AUTS2: variants seen among roughly 807,000 people sequenced by gnomAD.
The protein encoded by AUTS2 is activator of transcription and developmental regulator AUTS2.
AUTS2 carries 17 observed loss-of-function variants against 112.4 expected under a neutral mutation model. The observed-to-expected ratio is 0.15, with a 90% CI of 0.10 to 0.23. AUTS2 has a LOEUF of 0.23. Ranked by LOEUF, AUTS2 falls within the 10% of genes least tolerant of loss-of-function variation. The probability of loss-of-function intolerance (pLI) is 1.00; values close to 1 mark genes in which losing one functional copy is unlikely to be tolerated. For missense variants in AUTS2, 1,510 were observed against 1,701.6 expected, an observed-to-expected ratio of 0.89 and a Z score of 1.98; for synonymous variants, 751 against 702.7, an observed-to-expected ratio of 1.07 and a Z score of -1.09.
At chr7:69,894,225 A>G (rs1044421736) in intron 1 of AUTS2, among the ~76,000 whole-genome samples, 1 of 96,952 alleles carries the variant, frequency 1.0e-5, no homozygotes. Context: ...TGCTTCTTCT[A>G]TGACTGTCAA....
At chr7:69,642,742 C>A (rs1308261300) in intron 1 of AUTS2, among the ~76,000 whole-genome samples, 2 of 152,148 alleles carry the variant, frequency 1.3e-5, no homozygotes, top group Non-Finnish European at 2.9e-5. Context: ...ATATACCCAC[C>A]CCTTCCCTCA....
chr7:70,700,877 C>T lies in AUTS2; in HGVS notation c.742+2257C>T, dbSNP rs73706411. Among the ~76,000 whole-genome samples the T allele has an allele frequency of 4.9e-3, 753 of 152,294 alleles. 11 individuals are homozygous for T. The highest frequency in any genetic ancestry group is 0.018 in the African/African-American group (728 of 41,558). On this transcript the variant is annotated intron_variant, in intron 6 of 18. Coordinates refer to ENST00000342771, the MANE Select transcript of AUTS2 (RefSeq NM_015570.4). ...ATCAAGTTCAAGTTTTCCTGCAAGG[C>T]GGCCTGCCTGCCTGAAAGTCAGGTC...
chr7:69,707,857 G>C (rs1798137943), intron 1 of AUTS2, among the ~76,000 whole-genome samples: 1 of 152,190 alleles, frequency 6.6e-6, no homozygotes, highest in Non-Finnish European at 1.5e-5. Context: ...GGGCTTTGCA[G>C]AGTAGGTCTT....
At chr7:69,829,381 A>C (rs10112252) in intron 1 of AUTS2, among the ~76,000 whole-genome samples, 19 of 152,366 alleles carry the variant, frequency 1.2e-4, no homozygotes. Flanking sequence ...ACAAAAGCTA[A>C]AATGGACAAA....
At chr7:70,129,910 T>C (rs1562722593) in intron 3 of AUTS2, among the ~76,000 whole-genome samples, 1 of 151,856 alleles carries the variant, frequency 6.6e-6, no homozygotes, top group Non-Finnish European at 1.5e-5. Flanking sequence ...ATTGTGTGTG[T>C]GTGTGTGTGT....
chr7:70,731,188 T>C (rs60154276), intron 6 of AUTS2, among the ~76,000 whole-genome samples: 72,763 of 152,002 alleles, frequency 0.48, 17,951 homozygotes, highest in Middle Eastern at 0.6. Context: ...TCCCATTTTG[T>C]GAGTTTTCTT....
intron 1 of AUTS2, among the ~76,000 whole-genome samples, chr7:69,677,654 T>C (rs1392789224): frequency 6.6e-6 from 1 of 152,238 alleles, no homozygotes; most frequent in Non-Finnish European, 1.5e-5. Flanking sequence ...AGTTTTTATT[T>C]TGGTGTTTTT....
At chr7:70,135,864 G>A (rs1006608471) in intron 4 of AUTS2, among the ~76,000 whole-genome samples, 2 of 152,194 alleles carry the variant, frequency 1.3e-5, no homozygotes, top group Non-Finnish European at 2.9e-5. Flanking sequence ...CAGGCTGGAT[G>A]TAGGTTGAGA....
chr7:70,533,119 G>T (rs748238795), intron 5 of AUTS2, among the ~76,000 whole-genome samples: 1 of 152,112 alleles, frequency 6.6e-6, no homozygotes, highest in Non-Finnish European at 1.5e-5. Context: ...AAAGGAACCG[G>T]CCTGATTTAT....
chr7:70,496,027 C>A (rs1410995842), intron 5 of AUTS2, among the ~76,000 whole-genome samples: 7 of 43,302 alleles, frequency 1.6e-4, no homozygotes, highest in Admixed American at 1.4e-3. Flanking sequence ...ACACCCCCCC[C>A]ACACACATGC....
chr7:70,395,416 A>G (rs952086929), intron 4 of AUTS2, among the ~76,000 whole-genome samples: 1 of 152,344 alleles, frequency 6.6e-6, no homozygotes, highest in East Asian at 1.9e-4. Flanking sequence ...TTTGTCTTCA[A>G]AGCCTATGCT....
rs770996771 is a variant in AUTS2 at position 70,784,961 on chromosome 7, G to T, written c.2166G>T (p.Gly722=). 5 of 1,613,962 alleles carry T rather than the reference G, an allele frequency of 3.1e-6. No homozygotes were observed. The highest frequency in any genetic ancestry group is 4.2e-6 in the Non-Finnish European group (5 of 1,180,022). ...TAACAGGTGCTGCACACCCAACTGGGACCCCTTTTGGGCCACCTCCTCATC... is the reference window on the plus strand; with the variant it reads ...TAACAGGTGCTGCACACCCAACTGGTACCCCTTTTGGGCCACCTCCTCATC... ...FSAAGAAHPT[G]TPFGPPPHHS... is the part of the protein sequence containing the mutation. The change falls in exon 16 of 19, where the codon GGG becomes GGT. Residue 722 remains glycine (G), a synonymous_variant. Coordinates refer to ENST00000342771, the MANE Select transcript of AUTS2 (RefSeq NM_015570.4).
chr7:70,551,003 A>G (rs1462951838), intron 5 of AUTS2, among the ~76,000 whole-genome samples: 1 of 152,150 alleles, frequency 6.6e-6, no homozygotes, highest in Non-Finnish European at 1.5e-5. Context: ...AAGTCCTAAA[A>G]CAAAAAACAA....
At chr7:70,021,700 A>G (rs1800283207) in intron 2 of AUTS2, among the ~76,000 whole-genome samples, 2 of 152,128 alleles carry the variant, frequency 1.3e-5, no homozygotes, top group South Asian at 4.2e-4. Flanking sequence ...CTGCTCCTCA[A>G]TCTGCCTTTC....
intron 4 of AUTS2, among the ~76,000 whole-genome samples, chr7:70,226,519 T>C (rs1310194872): frequency 1.3e-5 from 2 of 151,926 alleles, no homozygotes; most frequent in Non-Finnish European, 2.9e-5. Flanking sequence ...CTTTTAATAA[T>C]TACATATTAC....
At chr7:70,391,694 AAT>A (rs964713266) in intron 4 of AUTS2, among the ~76,000 whole-genome samples, 16 of 152,080 alleles carry the variant, frequency 1.1e-4, no homozygotes, top group African/African-American at 3.9e-4. Context: ...AAAATAAAAA[AAT>A]AAAAAGCAGC....
At chr7:69,605,653 G>A (rs1420083170) in intron 1 of AUTS2, among the ~76,000 whole-genome samples, 1 of 152,234 alleles carries the variant, frequency 6.6e-6, no homozygotes, top group Non-Finnish European at 1.5e-5. Flanking sequence ...TGTATATGAA[G>A]TGGTAGTTCA....
chr7:70,061,781 C>CTTTTT (rs777176481), intron 2 of AUTS2, among the ~76,000 whole-genome samples: 1 of 140,370 alleles, frequency 7.1e-6, no homozygotes, highest in Non-Finnish European at 1.6e-5. Context: ...GTTATTTCTT[C>CTTTTT]TTTTTTTTTT....
At chr7:70,203,749 C>T (rs1810424823) in intron 4 of AUTS2, among the ~76,000 whole-genome samples, 1 of 146,662 alleles carries the variant, frequency 6.8e-6, no homozygotes, top group Non-Finnish European at 1.5e-5. Context: ...TTGAATATAG[C>T]TTAGTCTTAT....
Sources: gnomAD v4.1 joint callset for allele counts (sites outside exome capture counted in the v4.1 genomes callset) on GRCh38, gnomAD v4.1.1 for gene constraint, MANE v1.5 for transcripts, NCBI Gene and HGNC (gene_info 2026-07-23, HGNC 2026-07-21) for gene names.